The following FRMD4B variants were observed in gnomAD, a reference collection of about 807,000 sequenced individuals.
The protein encoded by FRMD4B is FERM domain containing 4B.
Under a neutral mutation model 141.5 loss-of-function variants are expected in FRMD4B, and 74 were observed. That is an observed-to-expected ratio of 0.52 (90% CI 0.43 to 0.63). The LOEUF is 0.63. Ranked by LOEUF, FRMD4B falls within the 30% of genes least tolerant of loss-of-function variation. The pLI is 0.00. For missense variants in FRMD4B, 1,366 were observed against 1,253.4 expected (o/e 1.09, Z -1.36); for synonymous variants, 506 against 467.9 (o/e 1.08, Z -1.05).
intron 3 of FRMD4B, among the ~76,000 whole-genome samples, chr3:69,302,710 A>T (rs1025292238): frequency 3.3e-5 from 5 of 152,226 alleles, no homozygotes; most frequent in African/African-American, 1.2e-4. Flanking sequence ...CTGTAGCAAC[A>T]TTTGAAATAG....
At position 69,181,302 on chromosome 3, in the gene FRMD4B, G is replaced by C. The variant is rs2092705047; in HGVS notation, c.2448C>G (p.Asp816Glu). The change falls in exon 21 of 23, where the codon GAC (aspartate) becomes GAG (glutamate). Residue 816 changes from aspartate to glutamate, a missense_variant. Physicochemically the swap from Asp to Glu is conservative, Grantham distance 45. Coordinates refer to ENST00000398540, the MANE Select transcript of FRMD4B (RefSeq NM_015123.3). ...IAGYTPYAEC[D>E]FYYSGGYVYE... ...AGACATAACCACCACTGTAATAAAA[G>C]TCACACTCTGCATAGGGTGTGTACC... 1 of 1,613,940 alleles carries C rather than the reference G, an allele frequency of 6.2e-7. No homozygotes were observed. The highest frequency in any genetic ancestry group is 1.1e-5 in the South Asian group (1 of 91,084).
At chr3:69,418,487 G>A (rs1356727014) in intron 2 of FRMD4B, among the ~76,000 whole-genome samples, 1 of 152,154 alleles carries the variant, frequency 6.6e-6, no homozygotes, top group African/African-American at 2.4e-5. Flanking sequence ...CACATTATAT[G>A]CCCAAGGTGA....
intron 5 of FRMD4B, among the ~76,000 whole-genome samples, chr3:69,266,963 T>C (rs944742911): frequency 1.3e-5 from 2 of 152,214 alleles, no homozygotes. Flanking sequence ...ACTGAGGCCA[T>C]TTCATCATCT....
At position 69,174,491 on chromosome 3, in the gene FRMD4B, T is replaced by C. The variant is rs190625890; in HGVS notation, c.2984+2033A>G. On this transcript the variant is annotated intron_variant, in intron 22 of 22. Transcript: ENST00000398540. ...CTGCTTTCTCTGGATGGTGGAATTATGGCTAATTTATTTCCTACTTATTTA... is the reference window on the plus strand; with the variant it reads ...CTGCTTTCTCTGGATGGTGGAATTACGGCTAATTTATTTCCTACTTATTTA... Among the ~76,000 whole-genome samples the C allele has an allele frequency of 8.6e-3, 1,314 of 152,320 alleles. 7 individuals are homozygous for C. The highest frequency in any genetic ancestry group is 0.022 in the South Asian group (105 of 4,826).
chr3:69,472,443 C>T, intron 1 of FRMD4B: 2 of 446,698 alleles, frequency 4.5e-6, no homozygotes, highest in East Asian at 6.5e-5. Flanking sequence ...ACTAAAAAGG[C>T]CAAACGGAAG....
chr3:69,472,925 C>CTTTTTTTTT (rs796453101), intron 1 of FRMD4B, among the ~76,000 whole-genome samples: 1,011 of 90,734 alleles, frequency 0.011, 57 homozygotes, highest in Non-Finnish European at 0.015. Flanking sequence ...GTGAGTCTTT[C>CTTTTTTTTT]TTTTTTTTTT....
At chr3:69,351,311 A>C (rs1057438256) in intron 1 of FRMD4B, among the ~76,000 whole-genome samples, 2 of 152,218 alleles carry the variant, frequency 1.3e-5, no homozygotes, top group African/African-American at 4.8e-5. Context: ...AGCTTCACAG[A>C]ATCTACCTCA....
At chr3:69,265,172 T>G (rs6785792) in intron 5 of FRMD4B, among the ~76,000 whole-genome samples, 137,741 of 138,558 alleles carry the variant, frequency 0.99, 68,462 homozygotes, top group Non-Finnish European at 1. Context: ...GGAGAATTGC[T>G]TGAACCCAGG....
intron 1 of FRMD4B, among the ~76,000 whole-genome samples, chr3:69,491,635 A>G (rs545752855): frequency 6.6e-5 from 10 of 152,250 alleles, no homozygotes; most frequent in Non-Finnish European, 1.2e-4. Flanking sequence ...TACAAAACCA[A>G]TCAAATGATG....
In FRMD4B at chr3:69,250,010, G is replaced by C. The variant is rs369610094; in HGVS notation, c.558+33C>G. The C allele has an allele frequency of 3.5e-6, 5 of 1,430,980 alleles. No homozygotes were observed. In the African/African-American group the frequency reaches 7.0e-5, roughly 20 times the overall value. 88.6% of individuals were successfully genotyped at this position (1,430,980 alleles called of 1,614,324 possible). A position where few individuals can be genotyped will look rare whatever the true frequency, so the allele number is the denominator to read the frequency against. On this transcript the variant is annotated intron_variant, in intron 6 of 22. Coordinates refer to ENST00000398540, the MANE Select transcript of FRMD4B (RefSeq NM_015123.3). ...GTTAACAAAAACGAACAAACACAAG[G>C]GAGCTGCTAAGAGGCAGTTTGTCCA...
chr3:69,314,259 G>A (rs1032061160), intron 1 of FRMD4B, among the ~76,000 whole-genome samples: 2 of 140,094 alleles, frequency 1.4e-5, no homozygotes, highest in African/African-American at 5.5e-5. Context: ...CAGGCACAGT[G>A]GCTCACTCCT....
At chr3:69,516,635 G>T (rs1027623093) in intron 1 of FRMD4B, among the ~76,000 whole-genome samples, 1 of 152,164 alleles carries the variant, frequency 6.6e-6, no homozygotes, top group Non-Finnish European at 1.5e-5. Context: ...ATAAATTTGC[G>T]CTTGTATTAA....
chr3:69,311,843 C>T (rs897539539), intron 2 of FRMD4B, among the ~76,000 whole-genome samples: 27 of 152,022 alleles, frequency 1.8e-4, no homozygotes, highest in African/African-American at 6.0e-4. Context: ...ATAATAGTTA[C>T]TATTTATTAT....
chr3:69,350,313 G>C (rs997037768), intron 1 of FRMD4B, among the ~76,000 whole-genome samples: 2 of 152,148 alleles, frequency 1.3e-5, no homozygotes, highest in Admixed American at 1.3e-4. Context: ...TCATTAAAAA[G>C]TCAGGAAACA....
intron 1 of FRMD4B, among the ~76,000 whole-genome samples, chr3:69,521,362 C>T (rs1291875650): frequency 2.6e-5 from 4 of 152,192 alleles, no homozygotes; most frequent in Non-Finnish European, 4.4e-5. Flanking sequence ...CCTCTTTCCT[C>T]AGTCTGTATC....
At chr3:69,183,617 G>C (rs1346417321) in intron 19 of FRMD4B, among the ~76,000 whole-genome samples, 1 of 150,994 alleles carries the variant, frequency 6.6e-6, no homozygotes, top group Non-Finnish European at 1.5e-5. Context: ...GGAGTAGCTG[G>C]GACCACAGGC....
At chr3:69,428,739 G>T (rs7647578) in intron 2 of FRMD4B, among the ~76,000 whole-genome samples, 2 of 151,800 alleles carry the variant, frequency 1.3e-5, no homozygotes, top group Non-Finnish European at 2.9e-5. Context: ...GTACAGTTCA[G>T]TGGTATTAAG....
chr3:69,502,817 A>T (rs1490184943), intron 1 of FRMD4B, among the ~76,000 whole-genome samples: 7 of 152,114 alleles, frequency 4.6e-5, no homozygotes, highest in Non-Finnish European at 8.8e-5. Flanking sequence ...GAATCTACAA[A>T]GAACTCAAAC....
intron 3 of FRMD4B, among the ~76,000 whole-genome samples, chr3:69,308,024 C>T (rs558809292): frequency 6.6e-6 from 1 of 152,162 alleles, no homozygotes; most frequent in Admixed American, 6.5e-5. Context: ...CATCTCCCCT[C>T]CCATCTATTT....
Sources: gnomAD v4.1 joint callset for allele counts (sites outside exome capture counted in the v4.1 genomes callset) on GRCh38, gnomAD v4.1.1 for gene constraint, MANE v1.5 for transcripts, NCBI Gene and HGNC (gene_info 2026-07-23, HGNC 2026-07-21) for gene names.